The following DNAH9 variants were observed in gnomAD, a reference collection of about 807,000 sequenced individuals.
DNAH9 encodes dynein axonemal heavy chain 9.
Under a neutral mutation model 471.6 loss-of-function variants are expected in DNAH9, and 345 were observed. That is an observed-to-expected ratio of 0.73 (90% CI 0.67 to 0.80). The LOEUF (loss-of-function observed/expected upper bound fraction) is 0.80, where lower values mean the gene tolerates loss of function less well. DNAH9 is among the 30% of genes least tolerant of loss of function. The pLI is 0.00. For synonymous variants in DNAH9, 2,093 were observed against 2,123.6 expected, an observed-to-expected ratio of 0.99 and a Z score of 0.40; for missense variants, 5,407 against 5,609.2, an observed-to-expected ratio of 0.96 and a Z score of 1.15.
Position 11,793,637 on chromosome 17 carries a change from G to A in DNAH9, c.8196G>A (p.Gln2732=). ...EKDFDLFDKI[Q]TEVLKKTFDD... The stretch of plus-strand genomic sequence containing the variant: ...ACTTTGATCTTTTTGATAAAATCCA[G>A]ACAGAAGTGCTCAAGAAAACTTTTG... Residue 2732 remains glutamine, a synonymous_variant, in exon 42 of 69, where the codon CAG becomes CAA. Transcript: ENST00000262442. The A allele has an allele frequency of 6.2e-7, 1 of 1,612,682 alleles. No homozygotes were observed. Among genetic ancestry groups the A allele is most frequent in the Non-Finnish European group, 8.5e-7 (1 of 1,179,670 alleles).
intron 67 of DNAH9, among the ~76,000 whole-genome samples, chr17:11,951,368 A>C (rs545947938): frequency 1.8e-4 from 28 of 152,302 alleles, no homozygotes; most frequent in Middle Eastern, 3.4e-3. Flanking sequence ...AAAAATTTGT[A>C]CTAAAACTGG....
chr17:11,819,500 C>T (rs1350535920), intron 45 of DNAH9, among the ~76,000 whole-genome samples: 1 of 152,026 alleles, frequency 6.6e-6, no homozygotes, highest in East Asian at 1.9e-4. Flanking sequence ...TCACTGCAAC[C>T]TCCACCTCCT....
intron 34 of DNAH9, 151 bp downstream of exon 34, chr17:11,756,827 TAAG>T (rs1199270664): frequency 9.5e-6 from 6 of 630,052 alleles, no homozygotes; most frequent in African/African-American, 7.3e-5. Flanking sequence ...GTTGTGGTAA[TAAG>T]AAGGGAAATG....
intron 28 of DNAH9, among the ~76,000 whole-genome samples, chr17:11,738,573 G>A (rs1347642371): frequency 6.6e-6 from 1 of 152,108 alleles, no homozygotes; most frequent in African/African-American, 2.4e-5. Flanking sequence ...TAGAGACGGG[G>A]TTTCACCATG....
chr17:11,659,224 C>A (rs1364689451), intron 14 of DNAH9, among the ~76,000 whole-genome samples: 1 of 152,096 alleles, frequency 6.6e-6, no homozygotes, highest in Admixed American at 6.5e-5. Context: ...GCTTTTTCTA[C>A]AAACGTTTTC....
chr17:11,962,241 C>G lies in DNAH9; in HGVS notation c.13218C>G (p.Ala4406=), dbSNP rs1424541116. 3.7e-6 allele frequency: 6 copies of G among 1,605,552 alleles called. No individual in the cohort carries two copies. Among genetic ancestry groups the G allele is most frequent in the Non-Finnish European group, 5.1e-6 (6 of 1,175,630 alleles). ...TCCATGGCCTCTTCATGGAAGGTGC[C>G]TGCTGGGACACACAGGTAAAGCTTG... ...AYIHGLFMEG[A]CWDTQAGIIT... is the part of the protein sequence containing the mutation. The change falls in exon 68 of 69, where the codon GCC becomes GCG. Residue 4406 remains alanine, a synonymous_variant. Coordinates refer to ENST00000262442, the MANE Select transcript of DNAH9 (RefSeq NM_001372.4). This position sits in a 1 kb window ranked among gnomAD's most constrained non-coding sequence, Gnocchi z 4.1.
intron 29 of DNAH9, 23 bp downstream of exon 29, chr17:11,739,060 GC>G: frequency 6.5e-7 from 1 of 1,535,836 alleles, no homozygotes; most frequent in Non-Finnish European, 8.8e-7. Flanking sequence ...TCTGCCCCAT[GC>G]AAAAGCCCCA....
chr17:11,615,595 GA>G (rs201192223), intron 4 of DNAH9, among the ~76,000 whole-genome samples: 27 of 140,892 alleles, frequency 1.9e-4, no homozygotes, highest in Non-Finnish European at 2.6e-4. Context: ...CACCCCAAAA[GA>G]AAAAAAAAAG....
Position 11,925,135 on chromosome 17 carries a change from C to G in DNAH9, c.11877+1194C>G, listed in dbSNP as rs949964989. ...TACGTTGACATGGTTTATTTTATGA[C>G]TGTATTCTCCACCAAATTTTTTAGG... On this transcript the variant is annotated intron_variant, in intron 62 of 68. Transcript: ENST00000262442. 15 of 451,814 alleles carry G rather than the reference C, an allele frequency of 3.3e-5. No individual in the cohort carries two copies. In the Admixed American group the frequency reaches 3.6e-4, roughly 11 times the overall value. 28.0% of individuals were successfully genotyped at this position (451,814 alleles called of 1,614,324 possible). A position where few individuals can be genotyped will look rare whatever the true frequency, so the allele number is the denominator to read the frequency against.
At chr17:11,739,134 G>A (rs2075396175) in intron 29 of DNAH9, 97 bp downstream of exon 29, 13 of 1,252,072 alleles carry the variant, frequency 1.0e-5, no homozygotes, top group Non-Finnish European at 1.3e-5. Context: ...AGAAAATTTG[G>A]AACATTTGGA....
chr17:11,797,550 C>A lies in DNAH9; in HGVS notation c.8224-47C>A, dbSNP rs376088186. ...GGTGTCTCTGCTCTGTGGAACCAGC[C>A]CCAGAAGTCAATAATGAGGGCCCTT... is the stretch of plus-strand genomic sequence containing the variant. On this transcript the variant is annotated intron_variant, in intron 42 of 68. Coordinates refer to ENST00000262442, the MANE Select transcript of DNAH9 (RefSeq NM_001372.4). 3.0e-5 allele frequency: 45 copies of A among 1,522,054 alleles called. No individual in the cohort carries two copies. The African/African-American group carries it at 5.8e-4, about 20-fold the overall frequency. The allele number at this position is 1,522,054 out of a possible 1,614,324, so 94.3% of individuals were successfully genotyped here.
At position 11,853,943 on chromosome 17, in the gene DNAH9, T is replaced by A. The variant is rs1190154518; in HGVS notation, c.9508-60T>A. ...TCGCTCCACAACCTAACTCCATCAG[T>A]GGCAGAGGACAAAGAAAGCCCATTC... is the stretch of plus-strand genomic sequence containing the variant. On this transcript the variant is annotated intron_variant, in intron 49 of 68. Transcript: ENST00000262442. 62 of 1,521,984 alleles carry A rather than the reference T, an allele frequency of 4.1e-5. 1 individual carries two copies. The East Asian group carries it at 1.3e-3, about 33-fold the overall frequency. 94.3% of individuals were successfully genotyped at this position (1,521,984 alleles called of 1,614,324 possible). A position where few individuals can be genotyped will look rare whatever the true frequency, so the allele number is the denominator to read the frequency against.
At chr17:11,871,917 T>C in intron 52 of DNAH9, 131 bp downstream of exon 52, 3 of 989,354 alleles carry the variant, frequency 3.0e-6, no homozygotes, top group Non-Finnish European at 4.5e-6. Flanking sequence ...GCACCAGGTG[T>C]GAAACCTGCG....
At chr17:11,640,431 C>T in intron 10 of DNAH9, 47 bp downstream of exon 10, 1 of 1,244,158 alleles carries the variant, frequency 8.0e-7, no homozygotes, top group Non-Finnish European at 1.2e-6. Flanking sequence ...GGCTGCTGTT[C>T]CTGCTCTAGA....
chr17:11,617,561 A>G lies in DNAH9; in HGVS notation c.1055A>G (p.Tyr352Cys). 3.1e-6 allele frequency: 5 copies of G among 1,614,080 alleles called. No individual in the cohort carries two copies. Among genetic ancestry groups the G allele is most frequent in the Non-Finnish European group, 4.2e-6 (5 of 1,180,014 alleles). ...VCLIWATCKSYRSPGRLTVLL... is the reference protein window; with the variant it reads ...VCLIWATCKSCRSPGRLTVLL... ...CTGATTTGGGCCACATGCAAGTCCT[A>G]CCGCTCCCCGGGAAGGCTGACTGTG... Residue 352 changes from tyrosine (Y) to cysteine (C), a missense_variant, in exon 5 of 69, where the codon TAC becomes TGC. This residue lies in a region of DNAH9 where 767 missense variants were observed against 692.5 expected (regional missense o/e 1.11). Coordinates refer to ENST00000262442, the MANE Select transcript of DNAH9 (RefSeq NM_001372.4).
intron 45 of DNAH9, among the ~76,000 whole-genome samples, chr17:11,817,607 A>G (rs760281210): frequency 3.3e-5 from 5 of 152,248 alleles, no homozygotes; most frequent in South Asian, 4.1e-4. Context: ...TTTATGAACA[A>G]TAAAATTTGA....
chr17:11,741,867 CACAAG>C (rs777958571), intron 29 of DNAH9, among the ~76,000 whole-genome samples: 1 of 152,200 alleles, frequency 6.6e-6, no homozygotes, highest in Non-Finnish European at 1.5e-5. Context: ...GAACTCAAGT[CACAAG>C]ACTTGAGTGG....
chr17:11,677,462 C>A lies in DNAH9; in HGVS notation c.3354-2295C>A, dbSNP rs186239217. Among the ~76,000 whole-genome samples the A allele has an allele frequency of 2.0e-5, 3 of 152,226 alleles. No homozygotes were observed. In the East Asian group the frequency reaches 5.8e-4, roughly 29 times the overall value. Reference sequence around the variant, plus strand: ...TTGTCTTCTATTAATGTAGCTAAAACAATTTTTCTTTGGTGACATTTGCTT... The same window carrying A: ...TTGTCTTCTATTAATGTAGCTAAAAAAATTTTTCTTTGGTGACATTTGCTT... On this transcript the variant is annotated intron_variant, in intron 17 of 68. Transcript: ENST00000262442.
At chr17:11,889,306 T>C (rs527462308) in intron 57 of DNAH9, among the ~76,000 whole-genome samples, 18 of 152,234 alleles carry the variant, frequency 1.2e-4, no homozygotes, top group Non-Finnish European at 2.1e-4. Context: ...CCCAAGGGCC[T>C]ATTGTCCTGT....
Sources: gnomAD v4.1 joint callset for allele counts (sites outside exome capture counted in the v4.1 genomes callset) on GRCh38, gnomAD v4.1.1 for gene constraint, gnomAD v4.1.1 regional missense constraint, Gnocchi (gnomAD v3.1) non-coding constraint, MANE v1.5 for transcripts, NCBI Gene and HGNC (gene_info 2026-07-23, HGNC 2026-07-21) for gene names.